Variants in DAPK2 observed in about 807,000 individuals in gnomAD.
DAPK2 encodes the protein death-associated protein kinase 2.
A neutral mutation model predicts 44.1 loss-of-function variants in DAPK2; 35 were observed. That is an observed-to-expected ratio of 0.79 (90% CI 0.61 to 1.05). The LOEUF is 1.05. Ranked by LOEUF, DAPK2 falls within the 50% of genes least tolerant of loss-of-function variation. DAPK2 has a pLI of 0.00. For synonymous variants in DAPK2, 174 were observed against 182.6 expected (o/e 0.95, Z 0.38); for missense variants, 453 against 483.2 (o/e 0.94, Z 0.59).
chr15:63,989,855 C>G (rs906715234), intron 1 of DAPK2, among the ~76,000 whole-genome samples: 1 of 152,048 alleles, frequency 6.6e-6, no homozygotes, highest in Non-Finnish European at 1.5e-5. Context: ...TTATACCTGG[C>G]TAATTTTTGT....
intron 1 of DAPK2, among the ~76,000 whole-genome samples, chr15:64,028,882 T>C (rs891913027): frequency 6.6e-6 from 1 of 152,102 alleles, no homozygotes; most frequent in African/African-American, 2.4e-5. Context: ...CTGGTATACA[T>C]AGGTCAAGGG....
intron 8 of DAPK2, chr15:63,922,699 A>C: frequency 6.8e-7 from 1 of 1,479,852 alleles, no homozygotes; most frequent in Non-Finnish European, 8.9e-7. Flanking sequence ...GCTTCTGCAA[A>C]CCTCTTGGGA....
At chr15:63,960,269 C>G (rs1307283966) in intron 3 of DAPK2, among the ~76,000 whole-genome samples, 1 of 152,154 alleles carries the variant, frequency 6.6e-6, no homozygotes, top group African/African-American at 2.4e-5. Context: ...TGATAGCAGT[C>G]TATCAATTTT....
intron 2 of DAPK2, among the ~76,000 whole-genome samples, chr15:63,974,763 T>C (rs1370282040): frequency 2.0e-5 from 3 of 152,230 alleles, no homozygotes; most frequent in African/African-American, 7.2e-5. Context: ...AAGAGTCAGC[T>C]TTGCAGGGCC....
intron 1 of DAPK2, among the ~76,000 whole-genome samples, chr15:64,018,231 T>A (rs186362256): frequency 6.6e-6 from 1 of 152,224 alleles, no homozygotes; most frequent in African/African-American, 2.4e-5. Context: ...CATTCTCAAA[T>A]GACGGTTTGC....
At chr15:63,970,105 G>T (rs985157790) in intron 3 of DAPK2, among the ~76,000 whole-genome samples, 1 of 152,226 alleles carries the variant, frequency 6.6e-6, no homozygotes, top group Non-Finnish European at 1.5e-5. Context: ...CCTCCAGGCT[G>T]TCTCCAGCCT....
rs372139206 is a variant in DAPK2, at chr15:63,912,239, A to C, written c.859-42T>G. The C allele has an allele frequency of 1.3e-6, 2 of 1,597,330 alleles. No individual in the cohort carries two copies. ...AGCATGGCAGCTGATGCTGGGCTTC[A>C]GACAGCAGCCACCCTCCTCGCCGCA... On this transcript the variant is annotated intron_variant, in intron 8 of 10. Coordinates refer to ENST00000261891, the Ensembl canonical transcript of DAPK2. This position sits in a 1 kb window ranked among gnomAD's most constrained non-coding sequence, Gnocchi z 4.4.
At chr15:63,931,443 T>C (rs904980237) in intron 4 of DAPK2, among the ~76,000 whole-genome samples, 2 of 152,142 alleles carry the variant, frequency 1.3e-5, no homozygotes, top group African/African-American at 2.4e-5. Context: ...GCCTCGGCTA[T>C]GTGGCCTGCT....
upstream of DAPK2, among the ~76,000 whole-genome samples, chr15:64,044,197 ATC>A (rs1281733306): frequency 4.6e-5 from 7 of 152,220 alleles, no homozygotes; most frequent in Non-Finnish European, 7.3e-5. Context: ...AGCACAGGCC[ATC>A]AGCTCCAGAT....
chr15:64,012,455 G>C (rs781147690), intron 1 of DAPK2, among the ~76,000 whole-genome samples: 1 of 152,348 alleles, frequency 6.6e-6, no homozygotes, highest in African/African-American at 2.4e-5. Context: ...CAGCAGATGA[G>C]TAAATGAGGT....
chr15:64,008,789 A>C (rs74792771), intron 1 of DAPK2, among the ~76,000 whole-genome samples: 2 of 152,212 alleles, frequency 1.3e-5, no homozygotes, highest in African/African-American at 4.8e-5. Context: ...GTGTTTTAAA[A>C]GTAAGAAAAT....
intron 3 of DAPK2, among the ~76,000 whole-genome samples, chr15:63,950,156 T>A (rs13329615): frequency 0.026 from 3,914 of 152,314 alleles, 174 homozygotes; most frequent in African/African-American, 0.085. Flanking sequence ...ATGCACATTC[T>A]ATAGCAATTA....
At position 63,939,397 on chromosome 15, in the gene DAPK2, G is replaced by GAAGAA. The variant is rs750392202; in HGVS notation, c.454-41_454-37dup. 7.6e-5 allele frequency: 117 copies of GAAGAA among 1,544,420 alleles called. No individual in the cohort carries two copies. The East Asian group carries it at 2.6e-3, about 35-fold the overall frequency. On this transcript the variant is annotated intron_variant, in intron 3 of 10. Transcript: ENST00000261891. The surrounding 1 kb of genome is among the most constrained non-coding windows in gnomAD (Gnocchi z 4.3). ...AAAAGTAGAAAAAAAAAAAAGGAAG[G>GAAGAA]AAGAAAAGAAAAAAAAAGACGGTAA...
intron 6 of DAPK2, 121 bp downstream of exon 7, chr15:63,929,430 A>C: frequency 7.6e-7 from 1 of 1,315,318 alleles, no homozygotes; most frequent in Non-Finnish European, 1.1e-6. Context: ...GTGTGGACTT[A>C]ACACATCTGG....
upstream of DAPK2, among the ~76,000 whole-genome samples, chr15:64,041,238 G>A (rs898553): frequency 0.54 from 81,355 of 151,524 alleles, 22,873 homozygotes; most frequent in East Asian, 0.78. Context: ...GGAGTCAGGA[G>A]CCTGAGGTGC....
At chr15:63,937,936 G>A (rs2077207736) in intron 4 of DAPK2, among the ~76,000 whole-genome samples, 2 of 152,180 alleles carry the variant, frequency 1.3e-5, no homozygotes, top group Admixed American at 1.3e-4. Flanking sequence ...GTGACCTTGG[G>A]TGTGTCATTC....
chr15:63,934,738 T>C (rs2077088860), intron 4 of DAPK2, among the ~76,000 whole-genome samples: 2 of 152,090 alleles, frequency 1.3e-5, no homozygotes, highest in Non-Finnish European at 2.9e-5. Flanking sequence ...TTTGTATTTT[T>C]AGTAGAGGTG....
At chr15:63,946,335 G>A (rs897898619) in intron 3 of DAPK2, among the ~76,000 whole-genome samples, 2 of 152,232 alleles carry the variant, frequency 1.3e-5, no homozygotes, top group African/African-American at 4.8e-5. Context: ...GACACCCTTG[G>A]GGGGCTATGT....
rs545179360 is a variant in DAPK2 at position 63,908,916 on chromosome 15, G to A, written c.1033-316C>T. 5.6e-6 allele frequency: 1 copy of A among 177,144 alleles called. No homozygotes were observed. Among genetic ancestry groups the A allele is most frequent in the East Asian group, 1.6e-4 (1 of 6,430 alleles). 11.0% of individuals were successfully genotyped at this position (177,144 alleles called of 1,614,324 possible). ...GGCTGCCATATAATCAAGGCCACTT[G>A]GCTGGGTGGTCTGTGGCTGCTGGGT... On this transcript the variant is annotated intron_variant, in intron 10 of 10. Transcript: ENST00000261891. This position sits in a 1 kb window ranked among gnomAD's most constrained non-coding sequence, Gnocchi z 5.7.
Sources: gnomAD v4.1 joint callset for allele counts (sites outside exome capture counted in the v4.1 genomes callset) on GRCh38, gnomAD v4.1.1 for gene constraint, Gnocchi (gnomAD v3.1) non-coding constraint, MANE v1.5 for transcripts, NCBI Gene and HGNC (gene_info 2026-07-23, HGNC 2026-07-21) for gene names.